Variants in TUBGCP6 observed in about 807,000 individuals in gnomAD.
The protein encoded by TUBGCP6 is gamma-tubulin complex component 6.
In TUBGCP6, 161 loss-of-function variants were observed where a neutral mutation model predicts 175.8. That is an observed-to-expected ratio of 0.92 (90% confidence interval 0.81 to 1.04). The LOEUF (loss-of-function observed/expected upper bound fraction) is 1.04, where lower values mean the gene tolerates loss of function less well. Ranked by LOEUF, TUBGCP6 falls within the 50% of genes least tolerant of loss-of-function variation. The pLI, the probability that TUBGCP6 is intolerant of heterozygous loss-of-function variation, is 0.00. For synonymous variants in TUBGCP6, 1,173 were observed against 1,030.5 expected (o/e 1.14, Z -2.65); for missense variants, 2,572 against 2,433.0 (o/e 1.06, Z -1.20).
At chr22:50,222,815 G>A (rs1028353261) in intron 13 of TUBGCP6, among the ~76,000 whole-genome samples, 5 of 152,240 alleles carry the variant, frequency 3.3e-5, no homozygotes, top group Non-Finnish European at 5.9e-5. Context: ...GTGAGTCAGC[G>A]TCCAGCCAGG....
At position 50,230,112 on chromosome 22, in the gene TUBGCP6, CA is replaced by C. The variant is rs142970639; in HGVS notation, c.1117-536del. Among the ~76,000 whole-genome samples, 426 of 152,248 alleles carry C rather than the reference CA, an allele frequency of 2.8e-3. 3 individuals are homozygous for C. The highest frequency in any genetic ancestry group is 9.8e-3 in the African/African-American group (406 of 41,538). On this transcript the variant is annotated intron_variant, in intron 3 of 24. Coordinates refer to ENST00000248846, the MANE Select transcript of TUBGCP6 (RefSeq NM_020461.4). ...GTTAGAAAGGAAAAAAAATATCCCGCAATACAAAGGAACAAGATACCAAACC... is the reference window on the plus strand; with the variant it reads ...GTTAGAAAGGAAAAAAAATATCCCGCATACAAAGGAACAAGATACCAAACC...
At chr22:50,233,273 G>T in intron 3 of TUBGCP6, 43 bp downstream of exon 3, 6 of 1,596,814 alleles carry the variant, frequency 3.8e-6, no homozygotes, top group Non-Finnish European at 5.1e-6. Flanking sequence ...GTGGAGGGCA[G>T]GCCAGCCCCA....
chr22:50,219,581 T>A (rs1602505780), intron 18 of TUBGCP6, 63 bp downstream of exon 18: 21 of 1,595,878 alleles, frequency 1.3e-5, no homozygotes, highest in Admixed American at 3.4e-5. Flanking sequence ...CCACAGGAGG[T>A]GGAGCACGTG....
In TUBGCP6 at chr22:50,229,052, C is replaced by T. The variant is rs558118867; in HGVS notation, c.1290+352G>A. Reference sequence around the variant, plus strand: ...AATGTAAATTCACCCAACAGGAGGGCCCTGCGCTGTCAGTCATCCACAATG... The same window carrying T: ...AATGTAAATTCACCCAACAGGAGGGTCCTGCGCTGTCAGTCATCCACAATG... On this transcript the variant is annotated intron_variant, in intron 4 of 24. Transcript: ENST00000248846. 6.6e-5 allele frequency among the ~76,000 whole-genome samples: 10 copies of T among 152,266 alleles called. No individual in the cohort carries two copies. In the East Asian group the frequency reaches 1.7e-3, roughly 27 times the overall value.
At position 50,222,448 on chromosome 22, in the gene TUBGCP6, A is replaced by G; in HGVS notation, c.2409+6T>C. ...GAAGAGCTGCCATCTGAAGCCGCAG[A>G]CATACCTGAATGTGTTTCTCATCTT... On this transcript the variant is annotated splice_donor_region_variant and intron_variant, in intron 14 of 24. Coordinates refer to ENST00000248846, the MANE Select transcript of TUBGCP6 (RefSeq NM_020461.4). The G allele has an allele frequency of 1.9e-6, 3 of 1,613,594 alleles. No individual in the cohort carries two copies. Among genetic ancestry groups the G allele is most frequent in the East Asian group, 2.2e-5 (1 of 44,888 alleles).
At chr22:50,230,876 G>A (rs2064679099) in intron 3 of TUBGCP6, among the ~76,000 whole-genome samples, 1 of 151,442 alleles carries the variant, frequency 6.6e-6, no homozygotes, top group Admixed American at 6.6e-5. Flanking sequence ...TTGAGGTCAG[G>A]GGTTTGAGAC....
Position 50,224,391 on chromosome 22 carries a change from C to A in TUBGCP6, c.2095G>T (p.Asp699Tyr). 1 of 1,614,204 alleles carries A rather than the reference C, an allele frequency of 6.2e-7. No homozygotes were observed. The highest frequency in any genetic ancestry group is 8.5e-7 in the Non-Finnish European group (1 of 1,180,046). The part of the protein sequence containing the change: ...DRQMSERMAL[D>Y]ARKREQFQRL... ...TGAAACTGCTCACGCTTCCGGGCATCCAAGGCCATCCGTTCTGACATCTGC... is the reference window on the plus strand; with the variant it reads ...TGAAACTGCTCACGCTTCCGGGCATACAAGGCCATCCGTTCTGACATCTGC... The change falls in exon 12 of 25, where the codon GAT (aspartate) becomes TAT (tyrosine). Residue 699 changes from aspartate (D) to tyrosine (Y), a missense_variant. Physicochemically the swap from Asp to Tyr is radical, Grantham distance 160. Transcript: ENST00000248846.
Position 50,217,754 on chromosome 22 carries a change from G to C in TUBGCP6, c.5442C>G (p.Asn1814Lys). 1.2e-6 allele frequency: 2 copies of C among 1,614,030 alleles called. No individual in the cohort carries two copies. Among genetic ancestry groups the C allele is most frequent in the Non-Finnish European group, 1.7e-6 (2 of 1,179,984 alleles). Residue 1814 changes from asparagine to lysine, a missense_variant, in exon 25 of 25, where the codon AAC (asparagine) becomes AAG (lysine). Transcript: ENST00000248846. ...AGCAGCCTCAGGCGTCCTGGTAGTA[G>C]TTGTTGAAGTTGATGCGCAGCAGAA... ...EDFLLRINFN[N>K]YYQDA
rs750468397 is a variant in TUBGCP6, at chr22:50,218,250, C to A, written c.5107G>T (p.Val1703Leu). The change falls in exon 23 of 25, where the codon GTG (valine) becomes TTG (leucine). Residue 1703 changes from valine to leucine, a missense_variant. By Grantham distance (32) the Val-to-Leu change is conservative. Transcript: ENST00000248846. ...CGCTGGATCTCCTCCAGGTCGCCCA[C>A]GGTGGCCAACCTGGCCCTGAACTCG... ...WCEFRARLAT[V>L]GDLEEIQRAH... is the part of the protein sequence containing the mutation. 1.8e-5 allele frequency: 29 copies of A among 1,612,934 alleles called. No individual in the cohort carries two copies. Among genetic ancestry groups the A allele is most frequent in the Non-Finnish European group, 2.5e-5 (29 of 1,179,978 alleles).
chr22:50,237,461 C>T (rs968775378), intron 2 of TUBGCP6, among the ~76,000 whole-genome samples: 1 of 152,250 alleles, frequency 6.6e-6, no homozygotes, highest in Non-Finnish European at 1.5e-5. Context: ...GCCGTGGGAT[C>T]AGGGAGTAGA....
rs753344548 is a variant in TUBGCP6, at chr22:50,227,957, C to G, written c.1362G>C (p.Leu454=). The part of the protein sequence containing the change: ...RACVLSTPPT[L]SLLTIGFLFK... Reference sequence around the variant, plus strand: ...AGAGAAAACCAATGGTGAGGAGGCTCAGGGTGGGCGGAGTGGAAAGGACGC... The same window carrying G: ...AGAGAAAACCAATGGTGAGGAGGCTGAGGGTGGGCGGAGTGGAAAGGACGC... Residue 454 remains leucine, a synonymous_variant, in exon 5 of 25, where the codon CTG becomes CTC. Transcript: ENST00000248846. 1.9e-6 allele frequency: 3 copies of G among 1,572,556 alleles called. No homozygotes were observed. The African/African-American group carries it at 4.0e-5, about 21-fold the overall frequency.
intron 4 of TUBGCP6, among the ~76,000 whole-genome samples, chr22:50,228,615 C>T (rs2064649154): frequency 6.6e-6 from 1 of 152,134 alleles, no homozygotes; most frequent in Non-Finnish European, 1.5e-5. Flanking sequence ...ACAGTCCAGC[C>T]CTTCTCAGCG....
At chr22:50,219,010 C>G in intron 20 of TUBGCP6, 58 bp downstream of exon 20, 3 of 1,602,318 alleles carry the variant, frequency 1.9e-6, no homozygotes, top group Non-Finnish European at 2.6e-6. Context: ...TGCAGCCAGT[C>G]TCTCTTTTCC....
Position 50,225,853 on chromosome 22 carries a change from C to A in TUBGCP6, c.1924G>T (p.Val642Phe). ...ELKEIEKDCA[V>F]YVGRMERVAR... The stretch of plus-strand genomic sequence containing the variant: ...ACCCTCTCCATGCGCCCAACGTAGA[C>A]GGCACAGTCCTTCTCAATCTCCTTC... Residue 642 changes from valine (V) to phenylalanine (F), a missense_variant, in exon 10 of 25, where the codon GTC (valine) becomes TTC (phenylalanine). Coordinates refer to ENST00000248846, the MANE Select transcript of TUBGCP6 (RefSeq NM_020461.4). 5 of 1,613,914 alleles carry A rather than the reference C, an allele frequency of 3.1e-6. No homozygotes were observed. Among genetic ancestry groups the A allele is most frequent in the Non-Finnish European group, 4.2e-6 (5 of 1,179,986 alleles).
At position 50,226,860 on chromosome 22, in the gene TUBGCP6, G is replaced by T. The variant is rs1288276084; in HGVS notation, c.1492-18C>A. ...TTCACGCCCTGCAGACCGCAAAGGGGGTGGGGGGCAGCTCAGCGCACCCAG... is the reference window on the plus strand; with the variant it reads ...TTCACGCCCTGCAGACCGCAAAGGGTGTGGGGGGCAGCTCAGCGCACCCAG... On this transcript the variant is annotated intron_variant, in intron 6 of 24. Transcript: ENST00000248846. 2 of 1,567,024 alleles carry T rather than the reference G, an allele frequency of 1.3e-6. No homozygotes were observed. Among genetic ancestry groups the T allele is most frequent in the South Asian group, 1.2e-5 (1 of 85,700 alleles).
chr22:50,225,565 C>T (rs1211823809), intron 10 of TUBGCP6, among the ~76,000 whole-genome samples: 1 of 140,988 alleles, frequency 7.1e-6, no homozygotes, highest in Non-Finnish European at 1.6e-5. Flanking sequence ...TGGCTCCGGA[C>T]ATTCATCTCA....
At chr22:50,223,947 G>A (rs371879445) in intron 13 of TUBGCP6, 194 bp downstream of exon 13, 18 of 597,404 alleles carry the variant, frequency 3.0e-5, no homozygotes, top group South Asian at 1.6e-4. Flanking sequence ...ACAAGACAAC[G>A]CGCAGAACAG....
intron 2 of TUBGCP6, among the ~76,000 whole-genome samples, chr22:50,235,218 C>T (rs892059795): frequency 1.0e-4 from 2 of 19,624 alleles, no homozygotes; most frequent in Non-Finnish European, 1.7e-4. Context: ...TCCACGGCAG[C>T]ATCATCCACA....
In TUBGCP6 at chr22:50,218,376, C is replaced by T. The variant is rs1275465951; in HGVS notation, c.4981G>A (p.Val1661Met). ...TALLSHMAGS[V>M]QFRQLQLFKH... is the part of the protein sequence containing the mutation. ...AACAGCTGCAGCTGACGGAACTGCA[C>T]AGAGCCGGCCATGTGGCTCAGCAGG... Residue 1661 changes from valine (V) to methionine (M), a missense_variant, in exon 23 of 25, where the codon GTG becomes ATG. Val to Met is a conservative substitution (Grantham distance 21). Transcript: ENST00000248846. 1.2e-6 allele frequency: 2 copies of T among 1,612,974 alleles called. No individual in the cohort carries two copies. Among genetic ancestry groups the T allele is most frequent in the African/African-American group, 2.7e-5 (2 of 74,944 alleles).
Sources: gnomAD v4.1 joint callset for allele counts (sites outside exome capture counted in the v4.1 genomes callset) on GRCh38, gnomAD v4.1.1 for gene constraint, MANE v1.5 for transcripts, NCBI Gene and HGNC (gene_info 2026-07-23, HGNC 2026-07-21) for gene names.